Variants in BSCL2 observed in about 807,000 individuals in gnomAD.
The protein encoded by BSCL2 is BSCL2 lipid droplet biogenesis associated, seipin.
In BSCL2, 41 loss-of-function variants were observed where a neutral mutation model predicts 57.4. That is an observed-to-expected ratio of 0.71 (90% CI 0.56 to 0.93). BSCL2 has a LOEUF of 0.93. Ranked by LOEUF, BSCL2 falls within the 40% of genes least tolerant of loss-of-function variation. BSCL2 has a pLI of 0.00. For missense variants in BSCL2, 539 were observed against 586.7 expected (o/e 0.92, Z 0.84); for synonymous variants, 237 against 227.3 (o/e 1.04, Z -0.38).
In BSCL2 at chr11:62,690,406, C is replaced by A. The variant is rs759317218; in HGVS notation, c.1350G>T (p.Gly450=). Residue 450 remains glycine, a synonymous_variant, in exon 11 of 11, where the codon GGG becomes GGT. Coordinates refer to ENST00000360796, the MANE Select transcript of BSCL2 (RefSeq NM_001122955.4). Reference sequence around the variant, plus strand: ...AGGTGGGGCGCTGTCGGAGAGCACCCCCAGCAGGTTCAGAGCTGCCCAGAG... The same window carrying A: ...AGGTGGGGCGCTGTCGGAGAGCACCACCAGCAGGTTCAGAGCTGCCCAGAG... The part of the protein sequence containing the change: ...LETLGSSEPA[G]GALRQRPTCS... The A allele has an allele frequency of 6.2e-7, 1 of 1,614,074 alleles. No homozygotes were observed. The highest frequency in any genetic ancestry group is 1.7e-5 in the Admixed American group (1 of 60,006).
chr11:62,692,309 G>A, intron 6 of BSCL2, 67 bp downstream of exon 6: 1 of 1,517,532 alleles, frequency 6.6e-7, no homozygotes. Flanking sequence ...CTCTGCTTGG[G>A]ACCCTCTTGG....
At chr11:62,691,935 CCAGCTA>C (rs1945322114) in intron 6 of BSCL2, among the ~76,000 whole-genome samples, 1 of 151,906 alleles carries the variant, frequency 6.6e-6, no homozygotes, top group Admixed American at 6.6e-5. Context: ...GCCTGTAGTC[CCAGCTA>C]CTCAGGAAGC....
At chr11:62,701,368 C>G (rs75734601) in intron 3 of BSCL2, among the ~76,000 whole-genome samples, 2 of 152,126 alleles carry the variant, frequency 1.3e-5, no homozygotes, top group African/African-American at 4.8e-5. Flanking sequence ...AAGCTGAAAA[C>G]GCATTTAGTA....
chr11:62,706,287 G>A lies in BSCL2; in HGVS notation c.88-670C>T, dbSNP rs1023114617. The A allele has an allele frequency of 1.1e-5, 12 of 1,116,014 alleles. No individual in the cohort carries two copies. In the African/African-American group the frequency reaches 1.2e-4, roughly 11 times the overall value. The allele number at this position is 1,116,014 out of a possible 1,614,324, so 69.1% of individuals were successfully genotyped here. Reference sequence around the variant, plus strand: ...CCTCGCGCGCTGCCAGGGCAACCGTGAGACGGGACTTCCGGCTCCCGGGGA... The same window carrying A: ...CCTCGCGCGCTGCCAGGGCAACCGTAAGACGGGACTTCCGGCTCCCGGGGA... On this transcript the variant is annotated intron_variant, in intron 1 of 10. Coordinates refer to ENST00000360796, the MANE Select transcript of BSCL2 (RefSeq NM_001122955.4).
intron 3 of BSCL2, among the ~76,000 whole-genome samples, chr11:62,699,752 C>T (rs2134721278): frequency 6.8e-6 from 1 of 146,286 alleles, no homozygotes; most frequent in South Asian, 2.2e-4. Flanking sequence ...AGTCTCGGCT[C>T]ATTGCAACCT....
chr11:62,701,666 C>A (rs778547262), intron 3 of BSCL2, among the ~76,000 whole-genome samples: 1 of 151,894 alleles, frequency 6.6e-6, no homozygotes, highest in African/African-American at 2.4e-5. Flanking sequence ...CCCATCCCTA[C>A]TAAAAATACA....
chr11:62,705,543 T>A lies in BSCL2; in HGVS notation c.162A>T (p.Glu54Asp). Residue 54 changes from glutamate (E) to aspartate (D), a missense_variant, in exon 2 of 11, where the codon GAA becomes GAT. Transcript: ENST00000360796. ...GGRAARNARP[E>D]PGARHPALPA... ...GGAGAGCAGGGTGTCTGGCCCCAGG[T>A]TCAGGCCTTGCGTTCCTAGCTGCTC... The A allele has an allele frequency of 6.2e-7, 1 of 1,610,310 alleles. No individual in the cohort carries two copies.
At chr11:62,700,753 G>C (rs1945614121) in intron 3 of BSCL2, among the ~76,000 whole-genome samples, 1 of 152,154 alleles carries the variant, frequency 6.6e-6, no homozygotes, top group Non-Finnish European at 1.5e-5. Flanking sequence ...AGGAGTTTTA[G>C]ACCAGCATGA....
At chr11:62,706,374 C>G (rs1341934522) in intron 1 of BSCL2, 2 of 1,008,968 alleles carry the variant, frequency 2.0e-6, no homozygotes, top group Non-Finnish European at 2.5e-6. Flanking sequence ...CAGCCCAGGG[C>G]GGGGTCCAGC....
intron 1 of BSCL2, chr11:62,706,227 G>A: frequency 9.3e-7 from 1 of 1,076,542 alleles, no homozygotes; most frequent in African/African-American, 1.7e-5. Context: ...ATGGAAACCA[G>A]CCCGCCGGCT....
At chr11:62,709,481 G>A (rs1358923625), upstream of BSCL2, 2 of 454,030 alleles carry the variant, frequency 4.4e-6, no homozygotes, top group South Asian at 1.6e-5. Flanking sequence ...GGGAGGGTGC[G>A]GGAGTGCAGT....
chr11:62,694,473 G>T, intron 4 of BSCL2, 95 bp downstream of exon 4: 1 of 1,584,372 alleles, frequency 6.3e-7, no homozygotes, highest in East Asian at 2.2e-5. Flanking sequence ...CCAAACTGCT[G>T]GGATTATAGG....
chr11:62,694,415 G>T lies in BSCL2; in HGVS notation c.630+153C>A, dbSNP rs1294569714. The T allele has an allele frequency of 4.4e-6, 5 of 1,128,320 alleles. No individual in the cohort carries two copies. In the Admixed American group the frequency reaches 9.7e-5, roughly 22 times the overall value. The allele number at this position is 1,128,320 out of a possible 1,614,324, so 69.9% of individuals were successfully genotyped here. On this transcript the variant is annotated intron_variant, in intron 4 of 10. Coordinates refer to ENST00000360796, the MANE Select transcript of BSCL2 (RefSeq NM_001122955.4). The stretch of plus-strand genomic sequence containing the variant: ...GAGATGGGTTTCGCCATGTTGCCCA[G>T]GCCAGTCTTGAACTCCTGGGCTCAA...
chr11:62,692,344 T>G, intron 6 of BSCL2, 32 bp downstream of exon 6: 1 of 1,606,968 alleles, frequency 6.2e-7, no homozygotes, highest in Non-Finnish European at 8.5e-7. Flanking sequence ...CCGTGAAGAG[T>G]TGCCCAAGGT....
chr11:62,707,376 A>G lies in BSCL2; in HGVS notation c.-181T>C, dbSNP rs769169637. 5.6e-6 allele frequency: 4 copies of G among 717,488 alleles called. No individual in the cohort carries two copies. Among genetic ancestry groups the G allele is most frequent in the Non-Finnish European group, 7.5e-6 (3 of 398,568 alleles). 44.4% of individuals were successfully genotyped at this position (717,488 alleles called of 1,614,324 possible). ...CTAAGTGCTGTGTCAGAGTAGAGGGAGGAAAGGAGGAGGGGGGCGACTGCC... is the reference window on the plus strand; with the variant it reads ...CTAAGTGCTGTGTCAGAGTAGAGGGGGGAAAGGAGGAGGGGGGCGACTGCC... On this transcript the variant is annotated 5_prime_UTR_variant, in exon 1 of 11. Coordinates refer to ENST00000360796, the MANE Select transcript of BSCL2 (RefSeq NM_001122955.4).
chr11:62,700,084 T>TAAAAAAAAAAAAAAAAAAAAAAAAAA (rs34412546), intron 3 of BSCL2, among the ~76,000 whole-genome samples: 1 of 80,228 alleles, frequency 1.2e-5, no homozygotes, highest in Non-Finnish European at 2.4e-5. Context: ...TACTAAAAAT[T>TAAAAAAAAAAAAAAAAAAAAAAAAAA]AAAAAAAAAA....
upstream of BSCL2, chr11:62,708,900 TC>T: frequency 1.1e-6 from 1 of 939,406 alleles, no homozygotes; most frequent in Non-Finnish European, 1.7e-6. Context: ...GCTCCTTGCA[TC>T]CCATCCCTAA....
chr11:62,690,395 C>G lies in BSCL2; in HGVS notation c.1361G>C (p.Arg454Pro). Residue 454 changes from arginine to proline, a missense_variant, in exon 11 of 11, where the codon CGA becomes CCA. By Grantham distance (103) the Arg-to-Pro change is moderately radical. Coordinates refer to ENST00000360796, the MANE Select transcript of BSCL2 (RefSeq NM_001122955.4). ...GGAACTAGAGCAGGTGGGGCGCTGT[C>G]GGAGAGCACCCCCAGCAGGTTCAGA... ...GSSEPAGGAL[R>P]QRPTCSSS 1 of 1,614,082 alleles carries G rather than the reference C, an allele frequency of 6.2e-7. No individual in the cohort carries two copies. The highest frequency in any genetic ancestry group is 8.5e-7 in the Non-Finnish European group (1 of 1,180,028).
At chr11:62,702,078 T>C (rs1302758787) in intron 3 of BSCL2, among the ~76,000 whole-genome samples, 1 of 151,690 alleles carries the variant, frequency 6.6e-6, no homozygotes, top group African/African-American at 2.4e-5. Flanking sequence ...TCTCCTTTTT[T>C]TTTTTAAGAC....
Sources: gnomAD v4.1 joint callset for allele counts (sites outside exome capture counted in the v4.1 genomes callset) on GRCh38, gnomAD v4.1.1 for gene constraint, MANE v1.5 for transcripts, NCBI Gene and HGNC (gene_info 2026-07-23, HGNC 2026-07-21) for gene names.